ZFP42: variants seen among roughly 807,000 people sequenced by gnomAD.
The protein encoded by ZFP42 is ZFP42 zinc finger protein.
For missense variants in ZFP42, 438 were observed against 377.1 expected, an observed-to-expected ratio of 1.16 and a Z score of -1.34; for synonymous variants, 175 against 144.6, an observed-to-expected ratio of 1.21 and a Z score of -1.51.
chr4:187,997,499 T>A (rs1733648297), intron 1 of ZFP42, among the ~76,000 whole-genome samples: 1 of 151,826 alleles, frequency 6.6e-6, no homozygotes, highest in Non-Finnish European at 1.5e-5. Flanking sequence ...AGTGGTGGGA[T>A]TACAAGCGTG....
In ZFP42 at chr4:188,002,868, G is replaced by A. The variant is rs757760218; in HGVS notation, c.61G>A (p.Ala21Thr). 6.2e-7 allele frequency: 1 copy of A among 1,614,220 alleles called. No homozygotes were observed. Among genetic ancestry groups the A allele is most frequent in the South Asian group, 1.1e-5 (1 of 91,084 alleles). Reference sequence around the variant, plus strand: ...ACACCAGAAAGGCCTGGGTGGAAGAGCCCCCAGTGGGGCTAAGCCCAGGCA... The same window carrying A: ...ACACCAGAAAGGCCTGGGTGGAAGAACCCCCAGTGGGGCTAAGCCCAGGCA... The part of the protein sequence containing the change: ...TRHQKGLGGR[A>T]PSGAKPRQGK... Residue 21 changes from alanine (A) to threonine (T), a missense_variant, in exon 4 of 4, where the codon GCC (alanine) becomes ACC (threonine). Ala to Thr is a moderately conservative substitution (Grantham distance 58). Transcript: ENST00000326866.
chr4:188,003,825 C>A lies in ZFP42; in HGVS notation c.*85C>A. 7.2e-7 allele frequency: 1 copy of A among 1,390,926 alleles called. No individual in the cohort carries two copies. Among genetic ancestry groups the A allele is most frequent in the Non-Finnish European group, 9.7e-7 (1 of 1,035,762 alleles). 86.2% of individuals were successfully genotyped at this position (1,390,926 alleles called of 1,614,324 possible). On this transcript the variant is annotated 3_prime_UTR_variant, in exon 4 of 4. Coordinates refer to ENST00000326866, the MANE Select transcript of ZFP42 (RefSeq NM_174900.5). ...GATTATTGTTTCTAGGAAGGAATTTCTAAATCAATATTGCAACCCCAAAAG... is the reference window on the plus strand; with the variant it reads ...GATTATTGTTTCTAGGAAGGAATTTATAAATCAATATTGCAACCCCAAAAG...
chr4:188,003,821 A>T lies in ZFP42; in HGVS notation c.*81A>T. 7.0e-7 allele frequency: 1 copy of T among 1,419,642 alleles called. No homozygotes were observed. Among genetic ancestry groups the T allele is most frequent in the South Asian group, 1.5e-5 (1 of 68,614 alleles). 87.9% of individuals were successfully genotyped at this position (1,419,642 alleles called of 1,614,324 possible). On this transcript the variant is annotated 3_prime_UTR_variant, in exon 4 of 4. Coordinates refer to ENST00000326866, the MANE Select transcript of ZFP42 (RefSeq NM_174900.5). ...CATTGATTATTGTTTCTAGGAAGGA[A>T]TTTCTAAATCAATATTGCAACCCCA...
chr4:188,005,118 A>G (rs2111193100), downstream of ZFP42: 1 of 167,022 alleles, frequency 6.0e-6, no homozygotes, highest in South Asian at 2.1e-4. Flanking sequence ...TTTGTTCTTA[A>G]AACTTAGCAA....
At position 188,003,555 on chromosome 4, in the gene ZFP42, G is replaced by A; in HGVS notation, c.748G>A (p.Glu250Lys). Residue 250 changes from glutamate (E) to lysine (K), a missense_variant, in exon 4 of 4, where the codon GAA becomes AAA. Coordinates refer to ENST00000326866, the MANE Select transcript of ZFP42 (RefSeq NM_174900.5). ...TGEKPFRCTF[E>K]GCGKRFSLDF... is the part of the protein sequence containing the mutation. ...AGAGAAGCCGTTTCGGTGCACTTTT[G>A]AAGGGTGCGGAAAGCGCTTCTCTCT... 6.2e-7 allele frequency: 1 copy of A among 1,613,636 alleles called. No homozygotes were observed. The highest frequency in any genetic ancestry group is 8.5e-7 in the Non-Finnish European group (1 of 1,180,034).
In ZFP42 at chr4:188,003,619, GGGAGAAACGTTT is replaced by G. The variant is rs1398994106; in HGVS notation, c.813_824del (p.Glu272_Phe275del). 3 of 1,613,448 alleles carry G rather than the reference GGGAGAAACGTTT, an allele frequency of 1.9e-6. No individual in the cohort carries two copies. The South Asian group carries it at 3.3e-5, about 18-fold the overall frequency. ...CGTACGCACGTGCGCATCCACACGG[GGGAGAAACGTTT>G]CGTGTGTCCCTTTCAAGGCTGCAAC... On this transcript the variant is annotated inframe_deletion, in exon 4 of 4. Transcript: ENST00000326866.
chr4:187,998,250 C>CGGCTGAACCTGGGA (rs1553987715), intron 1 of ZFP42, among the ~76,000 whole-genome samples: 2 of 150,758 alleles, frequency 1.3e-5, no homozygotes, highest in Non-Finnish European at 2.9e-5. Flanking sequence ...GCGGGAGAAT[C>CGGCTGAACCTGGGA]GGCTGAACCT....
At position 188,002,933 on chromosome 4, in the gene ZFP42, T is replaced by C. The variant is rs758091578; in HGVS notation, c.126T>C (p.Pro42=). The C allele has an allele frequency of 2.5e-6, 4 of 1,614,076 alleles. No homozygotes were observed. In the South Asian group the frequency reaches 3.3e-5, roughly 13 times the overall value. ...SSQDLQAEIE[P]VSAVWALCDG... ...AAGACCTGCAGGCGGAAATAGAACC[T>C]GTCAGCGCGGTGTGGGCCTTATGTG... The change falls in exon 4 of 4, where the codon CCT becomes CCC. Residue 42 remains proline, a synonymous_variant. Coordinates refer to ENST00000326866, the MANE Select transcript of ZFP42 (RefSeq NM_174900.5).
intron 1 of ZFP42, among the ~76,000 whole-genome samples, chr4:187,998,512 A>G (rs1170029095): frequency 6.6e-6 from 1 of 152,046 alleles, no homozygotes; most frequent in African/African-American, 2.4e-5. Context: ...CTCAACACTC[A>G]CTCACTCACT....
chr4:187,998,321 A>T (rs1430861970), intron 1 of ZFP42, among the ~76,000 whole-genome samples: 1 of 151,036 alleles, frequency 6.6e-6, no homozygotes, highest in Admixed American at 6.7e-5. Flanking sequence ...GGGCAACAAG[A>T]GGGAAACTCT....
In ZFP42 at chr4:188,003,302, TA is replaced by T. The variant is rs1208892672; in HGVS notation, c.498del (p.Lys166AsnfsTer13). 6.2e-7 allele frequency: 1 copy of T among 1,613,978 alleles called. No homozygotes were observed. Among genetic ancestry groups the T allele is most frequent in the Non-Finnish European group, 8.5e-7 (1 of 1,180,050 alleles). On this transcript the variant is annotated frameshift_variant, in exon 4 of 4. Coordinates refer to ENST00000326866, the MANE Select transcript of ZFP42 (RefSeq NM_174900.5). LOFTEE classifies it low-confidence loss of function (END_TRUNC). The part of the protein sequence containing the change: ...GIPGIDLSDP[K>X]QLAEFARKKP... ...TACCTGGCATTGACCTATCAGATCCTAAACAGCTCGCAGAATTTGCTAGAAA... is the reference window on the plus strand; with the variant it reads ...TACCTGGCATTGACCTATCAGATCCTAACAGCTCGCAGAATTTGCTAGAAA...
At chr4:188,001,379 T>G (rs1270675924) in intron 3 of ZFP42, among the ~76,000 whole-genome samples, 2 of 152,194 alleles carry the variant, frequency 1.3e-5, no homozygotes. Flanking sequence ...TTTTATAACG[T>G]CATTGCTGTT....
In ZFP42 at chr4:187,999,687, T is replaced by G. The variant is rs1229839877; in HGVS notation, c.-96+2T>G. 3 of 152,252 alleles carry G rather than the reference T, an allele frequency of 2.0e-5. No individual in the cohort carries two copies. Among genetic ancestry groups the G allele is most frequent in the Non-Finnish European group, 4.4e-5 (3 of 68,118 alleles). 9.4% of individuals were successfully genotyped at this position (152,252 alleles called of 1,614,324 possible). On this transcript the variant is annotated splice_donor_variant, in intron 3 of 3. Transcript: ENST00000326866. LOFTEE classifies it low-confidence loss of function (5UTR_SPLICE). ...CTAGTAGTGCTCACAGTCCAGCAGG[T>G]AAGACAGACTTGAAGCAAGGGACAC...
At chr4:187,997,289 A>T (rs1297279534) in intron 1 of ZFP42, among the ~76,000 whole-genome samples, 3 of 122,470 alleles carry the variant, frequency 2.4e-5, no homozygotes, top group Non-Finnish European at 4.7e-5. Context: ...GCTGGAGTGC[A>T]GTGGCACGAT....
intron 3 of ZFP42, among the ~76,000 whole-genome samples, chr4:188,001,726 C>T (rs1733830096): frequency 6.6e-6 from 1 of 152,200 alleles, no homozygotes. Context: ...CTAGAAAGAA[C>T]CTGGCGTGTA....
At chr4:187,998,074 C>T (rs542453740) in intron 1 of ZFP42, among the ~76,000 whole-genome samples, 1 of 152,330 alleles carries the variant, frequency 6.6e-6, no homozygotes, top group Non-Finnish European at 1.5e-5. Flanking sequence ...CGGTGGCTCA[C>T]GCCTGTAATC....
Position 188,002,922 on chromosome 4 carries a change from G to A in ZFP42, c.115G>A (p.Glu39Lys), listed in dbSNP as rs757848439. The change falls in exon 4 of 4, where the codon GAA becomes AAA. Residue 39 changes from glutamate to lysine, a missense_variant. Glu to Lys is a moderately conservative substitution (Grantham distance 56). Transcript: ENST00000326866. ...CAAGTCAAGCCAAGACCTGCAGGCG[G>A]AAATAGAACCTGTCAGCGCGGTGTG... is the stretch of plus-strand genomic sequence containing the variant. The part of the protein sequence containing the change: ...QGKSSQDLQA[E>K]IEPVSAVWAL... 6.2e-7 allele frequency: 1 copy of A among 1,614,204 alleles called. No homozygotes were observed. The highest frequency in any genetic ancestry group is 1.7e-5 in the Admixed American group (1 of 60,030).
Position 188,003,598 on chromosome 4 carries a change from C to A in ZFP42, c.791C>A (p.Thr264Lys). 1 of 1,613,416 alleles carries A rather than the reference C, an allele frequency of 6.2e-7. No individual in the cohort carries two copies. Among genetic ancestry groups the A allele is most frequent in the Non-Finnish European group, 8.5e-7 (1 of 1,180,036 alleles). ...TTCTCTCTGGACTTTAATTTGCGTACGCACGTGCGCATCCACACGGGGGAG... is the reference window on the plus strand; with the variant it reads ...TTCTCTCTGGACTTTAATTTGCGTAAGCACGTGCGCATCCACACGGGGGAG... ...KRFSLDFNLR[T>K]HVRIHTGEKR... The change falls in exon 4 of 4, where the codon ACG becomes AAG. Residue 264 changes from threonine (T) to lysine (K), a missense_variant. Coordinates refer to ENST00000326866, the MANE Select transcript of ZFP42 (RefSeq NM_174900.5).
At position 188,003,888 on chromosome 4, in the gene ZFP42, TTG is replaced by T; in HGVS notation, c.*151_*152del. The T allele has an allele frequency of 4.0e-6, 3 of 745,700 alleles. No homozygotes were observed. The highest frequency in any genetic ancestry group is 6.4e-6 in the Non-Finnish European group (3 of 466,268). The allele number at this position is 745,700 out of a possible 1,614,324, so 46.2% of individuals were successfully genotyped here. ...GGTGTTACTAAGATGCTCCTACACT[TTG>T]TGATACCGTTTTAAGGACATGGTGC... On this transcript the variant is annotated 3_prime_UTR_variant, in exon 4 of 4. Transcript: ENST00000326866.
Sources: gnomAD v4.1 joint callset for allele counts (sites outside exome capture counted in the v4.1 genomes callset) on GRCh38, gnomAD v4.1.1 for gene constraint, MANE v1.5 for transcripts, NCBI Gene and HGNC (gene_info 2026-07-23, HGNC 2026-07-21) for gene names.